Variants in ELK3 observed in about 807,000 individuals in gnomAD.
ELK3 encodes the protein ETS domain-containing protein Elk-3.
Under a neutral mutation model 28.9 loss-of-function variants are expected in ELK3, and 10 were observed. That is an observed-to-expected ratio of 0.35 (90% CI 0.21 to 0.59). ELK3 has a LOEUF of 0.59. Among genes scored for constraint, ELK3 ranks in the 20% least tolerant of loss-of-function variants. The pLI is 0.82. For missense variants in ELK3, 463 were observed against 517.3 expected (o/e 0.90, Z 1.02); for synonymous variants, 272 against 243.5 (o/e 1.12, Z -1.09).
At position 96,200,044 on chromosome 12, in the gene ELK3, T is replaced by C. The variant is rs551898711; in HGVS notation, c.-3+5339T>C. 7.2e-5 allele frequency among the ~76,000 whole-genome samples: 11 copies of C among 152,288 alleles called. No homozygotes were observed. In the South Asian group the frequency reaches 1.2e-3, roughly 17 times the overall value. ...TGATGGGATAGGTATAAAACACTTA[T>C]CTAGATACCTTCTCTTTTTATTTTT... On this transcript the variant is annotated intron_variant, in intron 1 of 4. Coordinates refer to ENST00000228741, the MANE Select transcript of ELK3 (RefSeq NM_005230.4).
chr12:96,247,818 T>C lies in ELK3; in HGVS notation c.1002+84T>C. ...AAGAGCAACTAAAGAGACTTCCTTC[T>C]GTCCCTCAAAACGTTGTCCTATGAC... On this transcript the variant is annotated intron_variant, in intron 3 of 4. Coordinates refer to ENST00000228741, the MANE Select transcript of ELK3 (RefSeq NM_005230.4). The surrounding 1 kb of genome is among the most constrained non-coding windows in gnomAD (Gnocchi z 5.5). The C allele has an allele frequency of 7.1e-7, 1 of 1,403,654 alleles. No homozygotes were observed. Among genetic ancestry groups the C allele is most frequent in the South Asian group, 1.5e-5 (1 of 66,782 alleles). The allele number at this position is 1,403,654 out of a possible 1,614,324, so 86.9% of individuals were successfully genotyped here. A position where few individuals can be genotyped will look rare whatever the true frequency, so the allele number is the denominator to read the frequency against.
chr12:96,204,284 A>C (rs1951526208), intron 1 of ELK3, among the ~76,000 whole-genome samples: 2 of 152,158 alleles, frequency 1.3e-5, no homozygotes, highest in African/African-American at 4.8e-5. Context: ...TAATCCTGTA[A>C]GATCCACAGT....
Position 96,223,550 on chromosome 12 carries a change from C to T in ELK3, c.-2-15C>T, listed in dbSNP as rs1321703927. On this transcript the variant is annotated splice_polypyrimidine_tract_variant and intron_variant, in intron 1 of 4. Coordinates refer to ENST00000228741, the MANE Select transcript of ELK3 (RefSeq NM_005230.4). ...TCGTGACCAGCAGCTCTGACCTGGC[C>T]TCCTCTCCCTGCAGGTATGGAGAGT... 5 of 1,613,254 alleles carry T rather than the reference C, an allele frequency of 3.1e-6. No homozygotes were observed. The highest frequency in any genetic ancestry group is 2.2e-5 in the East Asian group (1 of 44,888).
intron 1 of ELK3, among the ~76,000 whole-genome samples, chr12:96,195,766 A>AT (rs1460045231): frequency 1.1e-4 from 17 of 152,308 alleles, no homozygotes; most frequent in South Asian, 4.1e-4. Flanking sequence ...CATCTTGAAA[A>AT]TGACTCACTA....
intron 4 of ELK3, among the ~76,000 whole-genome samples, chr12:96,262,747 T>G (rs187474363): frequency 1.1e-4 from 17 of 152,300 alleles, no homozygotes; most frequent in Non-Finnish European, 1.3e-4. Flanking sequence ...TTTTTAAAAC[T>G]AGATGTTACA....
intron 2 of ELK3, among the ~76,000 whole-genome samples, chr12:96,231,295 G>T (rs187004626): frequency 7.9e-5 from 12 of 152,310 alleles, no homozygotes; most frequent in Admixed American, 3.9e-4. Context: ...CTTTTTCAGA[G>T]ATTTTATTTA....
chr12:96,239,490 T>C (rs1022166390), intron 2 of ELK3, among the ~76,000 whole-genome samples: 9 of 152,202 alleles, frequency 5.9e-5, no homozygotes, highest in Admixed American at 1.3e-4. Context: ...CTTCTCCATC[T>C]CTGCAATGGG....
At chr12:96,217,130 A>C (rs1334588898) in intron 1 of ELK3, among the ~76,000 whole-genome samples, 1 of 152,230 alleles carries the variant, frequency 6.6e-6, no homozygotes, top group African/African-American at 2.4e-5. Flanking sequence ...ACATACCTGT[A>C]GCCCAAGCTA....
chr12:96,215,814 T>G (rs1238305704), intron 1 of ELK3, among the ~76,000 whole-genome samples: 2 of 151,916 alleles, frequency 1.3e-5, no homozygotes, highest in Non-Finnish European at 2.9e-5. Flanking sequence ...TTTTGTATTT[T>G]TTGTAGAGAT....
At chr12:96,219,607 C>G (rs917008036) in intron 1 of ELK3, among the ~76,000 whole-genome samples, 8 of 152,124 alleles carry the variant, frequency 5.3e-5, no homozygotes, top group African/African-American at 1.4e-4. Flanking sequence ...CCACCTGTCC[C>G]CCTACCCAAA....
intron 1 of ELK3, chr12:96,213,654 TC>T (rs1215759356): frequency 6.6e-6 from 1 of 152,238 alleles, no homozygotes; most frequent in African/African-American, 2.4e-5. Context: ...AGAGGGGTGT[TC>T]CTACACACAG....
At chr12:96,203,050 T>G (rs1050396589) in intron 1 of ELK3, among the ~76,000 whole-genome samples, 4 of 151,938 alleles carry the variant, frequency 2.6e-5, no homozygotes, top group Admixed American at 6.6e-5. Flanking sequence ...ACCTGGCTAA[T>G]TTTTGTATTT....
At chr12:96,210,597 A>ACACACACCCCCC (rs1416746905) in intron 1 of ELK3, among the ~76,000 whole-genome samples, 21 of 149,062 alleles carry the variant, frequency 1.4e-4, no homozygotes, top group Admixed American at 2.7e-4. Context: ...ACACACACAC[A>ACACACACCCCCC]CCCCGAGTGG....
chr12:96,245,741 A>G lies in ELK3; in HGVS notation c.208-1199A>G, dbSNP rs543752063. 3.3e-5 allele frequency among the ~76,000 whole-genome samples: 5 copies of G among 152,344 alleles called. 1 individual carries two copies. In the Middle Eastern group the frequency reaches 0.01, roughly 311 times the overall value. ...GGCAAGGCACACGCAAGCATTTGGT[A>G]GGTAAATATAGAACCCAGTGGGTTC... On this transcript the variant is annotated intron_variant, in intron 2 of 4. Transcript: ENST00000228741.
At chr12:96,263,954 G>T (rs1056984263) in intron 4 of ELK3, among the ~76,000 whole-genome samples, 10 of 152,268 alleles carry the variant, frequency 6.6e-5, no homozygotes, top group African/African-American at 2.4e-4. Flanking sequence ...AGAGAAAGTG[G>T]AAGGAACAGG....
At chr12:96,223,520 C>G (rs757965987) in intron 1 of ELK3, 45 bp from the exon 2 acceptor site, 2 of 1,599,330 alleles carry the variant, frequency 1.3e-6, no homozygotes, top group African/African-American at 2.7e-5. Flanking sequence ...CAAGTTTGGT[C>G]GGCATCGTGA....
chr12:96,217,102 T>C (rs1239654399), intron 1 of ELK3, among the ~76,000 whole-genome samples: 1 of 152,060 alleles, frequency 6.6e-6, no homozygotes, highest in African/African-American at 2.4e-5. Flanking sequence ...AATTAAGAAA[T>C]GAGCAGGGCG....
intron 2 of ELK3, 157 bp downstream of exon 2, chr12:96,223,930 G>A (rs1951681128): frequency 2.7e-6 from 2 of 753,614 alleles, no homozygotes; most frequent in South Asian, 3.8e-5. Context: ...TGTGCTGTAG[G>A]GATTTTCCCC....
chr12:96,200,626 CAGAT>C (rs201694651), intron 1 of ELK3, among the ~76,000 whole-genome samples: 1,541 of 151,728 alleles, frequency 0.01, 36 homozygotes, highest in African/African-American at 0.035. Flanking sequence ...GTCTCCCAAG[CAGAT>C]AGGACTGCAG....
Sources: gnomAD v4.1 joint callset for allele counts (sites outside exome capture counted in the v4.1 genomes callset) on GRCh38, gnomAD v4.1.1 for gene constraint, Gnocchi (gnomAD v3.1) non-coding constraint, MANE v1.5 for transcripts, NCBI Gene and HGNC (gene_info 2026-07-23, HGNC 2026-07-21) for gene names.